COL5A1: variants seen among roughly 807,000 people sequenced by gnomAD.
The protein encoded by COL5A1 is collagen type V alpha 1 chain, also known as collagen alpha-1(V) chain.
A neutral mutation model predicts 263.7 loss-of-function variants in COL5A1; 16 were observed. The ratio of observed to expected loss-of-function variants is 0.06; its 90% confidence interval spans 0.04 to 0.09. The LOEUF is 0.09. Among genes scored for constraint, COL5A1 ranks in the 10% least tolerant of loss-of-function variants. COL5A1 has a pLI of 1.00. For missense variants in COL5A1, 2,036 were observed against 2,540.5 expected (o/e 0.80, Z 4.27); for synonymous variants, 1,012 against 1,004.5 (o/e 1.01, Z -0.14).
intron 11 of COL5A1, among the ~76,000 whole-genome samples, chr9:134,744,206 C>T (rs183343818): frequency 5.2e-4 from 79 of 152,304 alleles, no homozygotes; most frequent in Middle Eastern, 3.4e-3. Flanking sequence ...TCCAGTCTCT[C>T]CTTGTCTTTA....
chr9:134,747,114 C>T (rs148349014), intron 11 of COL5A1, among the ~76,000 whole-genome samples: 7 of 152,316 alleles, frequency 4.6e-5, no homozygotes, highest in African/African-American at 1.4e-4. Context: ...TTGAACACTT[C>T]GGAAGGGTTC....
At chr9:134,719,006 G>A (rs1035041188) in intron 4 of COL5A1, among the ~76,000 whole-genome samples, 3 of 152,198 alleles carry the variant, frequency 2.0e-5, no homozygotes, top group African/African-American at 7.2e-5. Flanking sequence ...GGGCACAGGC[G>A]GTGCACGCTG....
At chr9:134,737,792 T>G (rs1008842702) in intron 9 of COL5A1, among the ~76,000 whole-genome samples, 22 of 152,158 alleles carry the variant, frequency 1.4e-4, no homozygotes, top group Admixed American at 8.5e-4. Flanking sequence ...CAGGAGGCCC[T>G]GTCCCCATTG....
Position 134,792,956 on chromosome 9 carries a change from T to C in COL5A1, c.2701-2126T>C, listed in dbSNP as rs535516262. Among the ~76,000 whole-genome samples the C allele has an allele frequency of 8.4e-5, 12 of 142,388 alleles. No individual in the cohort carries two copies. In the South Asian group the frequency reaches 1.3e-3, roughly 16 times the overall value. The allele number at this position is 142,388 out of a possible 152,430, so 93.4% of individuals were successfully genotyped here. A position where few individuals can be genotyped will look rare whatever the true frequency, so the allele number is the denominator to read the frequency against. ...GTGTGTCTGCCTTCCACATGAGGGCTGCCTGCTGTCTGCCTGCTGTCTGTC... is the reference window on the plus strand; with the variant it reads ...GTGTGTCTGCCTTCCACATGAGGGCCGCCTGCTGTCTGCCTGCTGTCTGTC... On this transcript the variant is annotated intron_variant, in intron 32 of 65. Transcript: ENST00000371817.
At chr9:134,699,154 G>A (rs147360738) in intron 2 of COL5A1, among the ~76,000 whole-genome samples, 58 of 152,268 alleles carry the variant, frequency 3.8e-4, no homozygotes, top group African/African-American at 1.2e-3. Flanking sequence ...TGGGGCTCCC[G>A]GTCATGCCCA....
chr9:134,708,934 C>T (rs1833938758), intron 4 of COL5A1: 1 of 456,528 alleles, frequency 2.2e-6, no homozygotes, highest in African/African-American at 2.0e-5. Context: ...CCACGTCGCC[C>T]CAGCTTCTGC....
intron 64 of COL5A1, among the ~76,000 whole-genome samples, chr9:134,831,456 A>T (rs1839622333): frequency 6.6e-6 from 1 of 152,050 alleles, no homozygotes; most frequent in Non-Finnish European, 1.5e-5. Context: ...TTCCAAAAAG[A>T]GCTGCTGGCA....
rs548891789 is a variant in COL5A1 at position 134,731,423 on chromosome 9, G to A, written c.1165-73G>A. ...AGTTGACCGGATAGCCACAGTGCCC[G>A]CCCAGGGCCTGATGGAGAGGCAGTG... On this transcript the variant is annotated intron_variant, in intron 7 of 65. Coordinates refer to ENST00000371817, the MANE Select transcript of COL5A1 (RefSeq NM_000093.5). 501 of 1,506,242 alleles carry A rather than the reference G, an allele frequency of 3.3e-4. No individual in the cohort carries two copies. The African/African-American group carries it at 5.1e-3, about 15-fold the overall frequency. The allele number at this position is 1,506,242 out of a possible 1,614,324, so 93.3% of individuals were successfully genotyped here.
In COL5A1 at chr9:134,659,697, G is replaced by A. The variant is rs76640782; in HGVS notation, c.109+17401G>A. Among the ~76,000 whole-genome samples, 5 of 152,118 alleles carry A rather than the reference G, an allele frequency of 3.3e-5. No individual in the cohort carries two copies. The East Asian group carries it at 7.7e-4, about 23-fold the overall frequency. ...TGGTGGCGGGTCTCAGGAGGGAGCGGGGCCTTTTGGATCCTGTCACTCAGC... is the reference window on the plus strand; with the variant it reads ...TGGTGGCGGGTCTCAGGAGGGAGCGAGGCCTTTTGGATCCTGTCACTCAGC... On this transcript the variant is annotated intron_variant, in intron 1 of 65. Transcript: ENST00000371817.
chr9:134,747,678 TACAC>T (rs1373169623), intron 11 of COL5A1, among the ~76,000 whole-genome samples: 4 of 144,324 alleles, frequency 2.8e-5, no homozygotes, highest in Admixed American at 1.4e-4. Flanking sequence ...CATGTATTCA[TACAC>T]ACATGCAAAC....
At chr9:134,787,366 A>G (rs1341512351) in intron 31 of COL5A1, among the ~76,000 whole-genome samples, 1 of 152,202 alleles carries the variant, frequency 6.6e-6, no homozygotes, top group Non-Finnish European at 1.5e-5. Flanking sequence ...CTAGATTGGC[A>G]GGCGGGCGTG....
chr9:134,816,123 A>G, intron 52 of COL5A1, 135 bp downstream of exon 52: 1 of 817,962 alleles, frequency 1.2e-6, no homozygotes, highest in Non-Finnish European at 2.1e-6. Context: ...CGATTCCCTT[A>G]TGATATTGAT....
At chr9:134,781,894 G>A (rs770112746) in intron 28 of COL5A1, among the ~76,000 whole-genome samples, 3 of 152,176 alleles carry the variant, frequency 2.0e-5, no homozygotes, top group South Asian at 4.1e-4. Context: ...GAATGTTTAC[G>A]ACCGGCTGAG....
At chr9:134,828,493 CCACACACCA>C (rs1387757865) in intron 63 of COL5A1, among the ~76,000 whole-genome samples, 1 of 150,988 alleles carries the variant, frequency 6.6e-6, no homozygotes, top group Non-Finnish European at 1.5e-5. Flanking sequence ...CAGATACAGG[CCACACACCA>C]CACATACCAC....
At chr9:134,799,383 G>A (rs1838030390) in intron 37 of COL5A1, among the ~76,000 whole-genome samples, 2 of 152,182 alleles carry the variant, frequency 1.3e-5, no homozygotes, top group South Asian at 4.1e-4. Context: ...TGCAGTGTCG[G>A]GTGACTTCCT....
chr9:134,766,468 G>T lies in COL5A1; in HGVS notation c.2103G>T (p.Met701Ile), dbSNP rs1340457138. The T allele has an allele frequency of 1.2e-6, 2 of 1,614,086 alleles. No homozygotes were observed. Among genetic ancestry groups the T allele is most frequent in the Non-Finnish European group, 1.7e-6 (2 of 1,180,036 alleles). Reference protein sequence around the residue: ...GPPGPPGVTGMDGQPGPKGNV... With the variant: ...GPPGPPGVTGIDGQPGPKGNV... ...ATCGTACACAGGGTGTCACGGGTATGGACGGCCAGCCGGGGCCAAAAGGAA... is the reference window on the plus strand; with the variant it reads ...ATCGTACACAGGGTGTCACGGGTATTGACGGCCAGCCGGGGCCAAAAGGAA... The change falls in exon 22 of 66, where the codon ATG becomes ATT. Residue 701 changes from methionine (M) to isoleucine (I), a missense_variant. Around this residue, in one of 3 missense-constraint regions of COL5A1, gnomAD observed 1,078 missense variants for 1,521.4 expected, o/e 0.71. Coordinates refer to ENST00000371817, the MANE Select transcript of COL5A1 (RefSeq NM_000093.5).
chr9:134,802,945 C>T lies in COL5A1; in HGVS notation c.3064C>T (p.Pro1022Ser), dbSNP rs536758248. The T allele has an allele frequency of 5.6e-6, 9 of 1,610,572 alleles. No homozygotes were observed. The highest frequency in any genetic ancestry group is 2.7e-5 in the African/African-American group (2 of 75,028). ...GCGTGGCCACCCTGGGCCCCCTGGA[C>T]CCCCCGGTGAACAGGGGCTTCCGGG... ...GERGHPGPPG[P>S]PGEQGLPGLA... Residue 1022 changes from proline to serine, a missense_variant, in exon 39 of 66, where the codon CCC (proline) becomes TCC (serine). Coordinates refer to ENST00000371817, the MANE Select transcript of COL5A1 (RefSeq NM_000093.5).
intron 48 of COL5A1, among the ~76,000 whole-genome samples, chr9:134,812,995 AT>A (rs1485988842): frequency 6.6e-6 from 1 of 152,048 alleles, no homozygotes; most frequent in Non-Finnish European, 1.5e-5. Context: ...CTTTTGCAGA[AT>A]TTCCAGACGA....
At chr9:134,784,248 A>G (rs114917278) in intron 29 of COL5A1, among the ~76,000 whole-genome samples, 1,755 of 152,358 alleles carry the variant, frequency 0.012, 29 homozygotes, top group African/African-American at 0.039. Flanking sequence ...ATTTTTCTCT[A>G]TCTGAGCAAT....
Sources: gnomAD v4.1 joint callset for allele counts (sites outside exome capture counted in the v4.1 genomes callset) on GRCh38, gnomAD v4.1.1 for gene constraint, gnomAD v4.1.1 regional missense constraint, MANE v1.5 for transcripts, NCBI Gene and HGNC (gene_info 2026-07-23, HGNC 2026-07-21) for gene names.